The following CTNNA2 variants were observed in gnomAD, a reference collection of about 807,000 sequenced individuals.
CTNNA2 encodes the protein catenin alpha 2.
CTNNA2 carries 42 observed loss-of-function variants against 101.0 expected under a neutral mutation model. That is an observed-to-expected ratio of 0.42 (90% CI 0.32 to 0.54). The LOEUF is 0.54. CTNNA2 is among the 20% of genes least tolerant of loss of function. CTNNA2 has a pLI of 0.14. For missense variants in CTNNA2, 871 were observed against 1,223.1 expected (o/e 0.71, Z 4.29); for synonymous variants, 450 against 456.4 (o/e 0.99, Z 0.18).
chr2:80,515,579 CT>C (rs1300683661), intron 9 of CTNNA2, among the ~76,000 whole-genome samples: 1 of 152,186 alleles, frequency 6.6e-6, no homozygotes, highest in East Asian at 1.9e-4. Flanking sequence ...ACATTGGGAT[CT>C]TATTCTCTTG....
intron 2 of CTNNA2, among the ~76,000 whole-genome samples, chr2:79,703,027 A>G (rs1046798530): frequency 6.6e-6 from 1 of 152,190 alleles, no homozygotes; most frequent in Non-Finnish European, 1.5e-5. Context: ...CAGAGGAAGC[A>G]CTGATGAAAT....
At chr2:79,974,463 T>C (rs1056354183) in intron 7 of CTNNA2, among the ~76,000 whole-genome samples, 1 of 152,190 alleles carries the variant, frequency 6.6e-6, no homozygotes, top group African/African-American at 2.4e-5. Flanking sequence ...TACTTACTTC[T>C]GCTACCAAAA....
intron 1 of CTNNA2, among the ~76,000 whole-genome samples, chr2:79,196,922 A>C (rs993830086): frequency 6.6e-6 from 1 of 152,160 alleles, no homozygotes; most frequent in Non-Finnish European, 1.5e-5. Context: ...GTTCTGATTT[A>C]TATTTGTAGA....
intron 7 of CTNNA2, among the ~76,000 whole-genome samples, chr2:80,173,240 T>C (rs1384430782): frequency 6.6e-6 from 1 of 152,222 alleles, no homozygotes; most frequent in East Asian, 1.9e-4. Context: ...TGCACAGCCA[T>C]GTGCCAGGCT....
chr2:80,466,210 G>C (rs1572959320), intron 9 of CTNNA2, among the ~76,000 whole-genome samples: 1 of 152,164 alleles, frequency 6.6e-6, no homozygotes, highest in Non-Finnish European at 1.5e-5. Context: ...AATCCTGCTG[G>C]AGGGAGTTAT....
At chr2:80,418,085 A>G (rs1355027870) in intron 8 of CTNNA2, among the ~76,000 whole-genome samples, 3 of 152,090 alleles carry the variant, frequency 2.0e-5, no homozygotes, top group Non-Finnish European at 4.4e-5. Flanking sequence ...TCCACTCTAA[A>G]TATCTTTTCC....
intron 8 of CTNNA2, among the ~76,000 whole-genome samples, chr2:80,410,244 T>G (rs1679449120): frequency 6.6e-6 from 1 of 152,228 alleles, no homozygotes; most frequent in African/African-American, 2.4e-5. Context: ...TTTGTTTTTC[T>G]TTTTGAGTTA....
intron 4 of CTNNA2, among the ~76,000 whole-genome samples, chr2:79,501,210 C>CCATGA (rs1671316027): frequency 6.6e-6 from 1 of 152,174 alleles, no homozygotes; most frequent in African/African-American, 2.4e-5. Context: ...TACTGCTAAT[C>CCATGA]CATGACATGC....
chr2:80,599,331 T>C (rs1697259658), intron 15 of CTNNA2, among the ~76,000 whole-genome samples: 1 of 152,172 alleles, frequency 6.6e-6, no homozygotes. Context: ...CTCGGATGTC[T>C]GAAGGAGCTT....
At chr2:80,044,905 A>C (rs565206291) in intron 7 of CTNNA2, among the ~76,000 whole-genome samples, 1 of 152,204 alleles carries the variant, frequency 6.6e-6, no homozygotes, top group Admixed American at 6.5e-5. Context: ...CCTCCAATGG[A>C]GGGTTTCTGA....
At chr2:80,179,835 A>G (rs2148978168) in intron 7 of CTNNA2, among the ~76,000 whole-genome samples, 1 of 152,248 alleles carries the variant, frequency 6.6e-6, no homozygotes, top group Admixed American at 6.5e-5. Context: ...TCATCTTACC[A>G]GTCAGGTAGC....
chr2:80,470,188 G>A (rs1341174291), intron 9 of CTNNA2, among the ~76,000 whole-genome samples: 1 of 152,158 alleles, frequency 6.6e-6, no homozygotes, highest in Non-Finnish European at 1.5e-5. Flanking sequence ...GACCTTCTTA[G>A]ATCTCTTGCC....
intron 3 of CTNNA2, among the ~76,000 whole-genome samples, chr2:79,746,673 A>G (rs1671674377): frequency 6.6e-6 from 1 of 152,192 alleles, no homozygotes; most frequent in African/African-American, 2.4e-5. Flanking sequence ...TAAAAGCACT[A>G]TGTTTTCATG....
At chr2:79,723,373 A>G (rs1327794926) in intron 2 of CTNNA2, among the ~76,000 whole-genome samples, 4 of 152,322 alleles carry the variant, frequency 2.6e-5, no homozygotes, top group South Asian at 2.1e-4. Context: ...GCTTTTCCCT[A>G]CTGGTATCAG....
intron 7 of CTNNA2, among the ~76,000 whole-genome samples, chr2:80,225,495 G>T (rs6712718): frequency 0.2 from 30,541 of 152,092 alleles, 4,287 homozygotes; most frequent in African/African-American, 0.39. Flanking sequence ...ATGGTAAGTG[G>T]TTTAAGAAAA....
intron 2 of CTNNA2, among the ~76,000 whole-genome samples, chr2:79,303,611 C>T (rs1676165408): frequency 6.6e-6 from 1 of 152,068 alleles, no homozygotes; most frequent in Non-Finnish European, 1.5e-5. Flanking sequence ...TCTGACTTCT[C>T]TTCAGCTTCT....
chr2:79,651,398 G>A (rs1016412802), intron 1 of CTNNA2, among the ~76,000 whole-genome samples, 154 bp from the exon 2 acceptor site: 6 of 152,148 alleles, frequency 3.9e-5, no homozygotes, highest in Non-Finnish European at 8.8e-5. Context: ...CAGTGTACTG[G>A]TCTGGTTTTT....
At chr2:80,601,733 T>C (rs1697559583) in intron 15 of CTNNA2, 1 of 152,050 alleles carries the variant, frequency 6.6e-6, no homozygotes. Flanking sequence ...TTAGGATTTA[T>C]CCATAATTTC....
chr2:80,574,586 C>A (rs1446513107), intron 13 of CTNNA2, among the ~76,000 whole-genome samples: 6 of 152,042 alleles, frequency 3.9e-5, no homozygotes, highest in African/African-American at 1.2e-4. Flanking sequence ...TTAGGCATAC[C>A]CCTGCTATTT....
Sources: gnomAD v4.1 joint callset for allele counts (sites outside exome capture counted in the v4.1 genomes callset) on GRCh38, gnomAD v4.1.1 for gene constraint, MANE v1.5 for transcripts, NCBI Gene and HGNC (gene_info 2026-07-23, HGNC 2026-07-21) for gene names.